Variants in JADE2 observed in about 807,000 individuals in gnomAD.
The protein encoded by JADE2 is E3 ubiquitin-protein ligase Jade-2.
JADE2 carries 13 observed loss-of-function variants against 85.7 expected under a neutral mutation model. That is an observed-to-expected ratio of 0.15 (90% CI 0.10 to 0.24). JADE2 has a LOEUF of 0.24. Among genes scored for constraint, JADE2 ranks in the 10% least tolerant of loss-of-function variants. JADE2 has a pLI of 1.00. For synonymous variants in JADE2, 440 were observed against 456.1 expected (o/e 0.96, Z 0.45); for missense variants, 846 against 1,115.9 (o/e 0.76, Z 3.45).
intron 4 of JADE2, 126 bp downstream of exon 4, chr5:134,552,335 C>A: frequency 1.2e-6 from 1 of 863,820 alleles, no homozygotes; most frequent in Non-Finnish European, 1.7e-6. Context: ...GTATTCCATT[C>A]CCTTTTCCAA....
intron 1 of JADE2, among the ~76,000 whole-genome samples, chr5:134,531,961 T>A (rs1261808525): frequency 7.7e-6 from 1 of 129,470 alleles, no homozygotes; most frequent in East Asian, 2.6e-4. Flanking sequence ...AGTAGCATAA[T>A]CACAGCTCAC....
chr5:134,526,534 C>T (rs914477670), intron 1 of JADE2: 1 of 985,358 alleles, frequency 1.0e-6, no homozygotes, highest in Non-Finnish European at 1.2e-6. Flanking sequence ...CACGTCCGGG[C>T]GCCGAACCGG....
chr5:134,524,659 A>AC (rs1347264506), upstream of JADE2, among the ~76,000 whole-genome samples: 1 of 151,514 alleles, frequency 6.6e-6, no homozygotes, highest in Admixed American at 6.6e-5. Flanking sequence ...TGCCTTCTCC[A>AC]CCCCCCGGAA....
intron 4 of JADE2, among the ~76,000 whole-genome samples, chr5:134,559,049 C>A (rs1488831538): frequency 6.6e-6 from 1 of 152,210 alleles, no homozygotes; most frequent in Non-Finnish European, 1.5e-5. Flanking sequence ...GCAGGCACAT[C>A]TTTGTATCCA....
At chr5:134,554,996 C>T (rs972157257) in intron 4 of JADE2, among the ~76,000 whole-genome samples, 3 of 152,192 alleles carry the variant, frequency 2.0e-5, no homozygotes, top group South Asian at 2.1e-4. Context: ...GCATGGCCAC[C>T]GGGGCCTAGT....
chr5:134,532,108 C>A (rs549011603), intron 1 of JADE2, among the ~76,000 whole-genome samples: 1 of 152,076 alleles, frequency 6.6e-6, no homozygotes, highest in African/African-American at 2.4e-5. Context: ...TGATCTTGAA[C>A]TCCTAAGCTC....
At chr5:134,536,218 TAAGTG>T (rs949307884) in intron 2 of JADE2, among the ~76,000 whole-genome samples, 26 of 152,258 alleles carry the variant, frequency 1.7e-4, no homozygotes, top group Admixed American at 1.7e-3. Flanking sequence ...CTGCATATAT[TAAGTG>T]AAGGTCCATA....
At chr5:134,546,425 C>G (rs1440982243) in intron 3 of JADE2, among the ~76,000 whole-genome samples, 3 of 152,198 alleles carry the variant, frequency 2.0e-5, no homozygotes, top group Non-Finnish European at 4.4e-5. Context: ...TATGCAGTCC[C>G]TGTCTTCTTG....
chr5:134,570,432 A>G (rs1763918264), intron 9 of JADE2, among the ~76,000 whole-genome samples: 1 of 149,412 alleles, frequency 6.7e-6, no homozygotes, highest in Admixed American at 6.7e-5. Context: ...AATCTGTTCA[A>G]CCCTCTCTCA....
intron 4 of JADE2, among the ~76,000 whole-genome samples, chr5:134,555,917 A>G (rs1762883217): frequency 1.3e-5 from 2 of 152,006 alleles, no homozygotes; most frequent in Admixed American, 1.3e-4. Context: ...AGGTGGTGCC[A>G]AGCCCCTTCC....
At position 134,559,891 on chromosome 5, in the gene JADE2, G is replaced by A. The variant is rs775424432; in HGVS notation, c.373G>A (p.Glu125Lys). The A allele has an allele frequency of 6.2e-7, 1 of 1,614,078 alleles. No homozygotes were observed. The highest frequency in any genetic ancestry group is 8.5e-7 in the Non-Finnish European group (1 of 1,179,962). Residue 125 changes from glutamate (E) to lysine (K), a missense_variant, in exon 5 of 12, where the codon GAG becomes AAG. Glu to Lys is a moderately conservative substitution (Grantham distance 56). This residue lies in a region of JADE2 where 78 missense variants were observed against 64.9 expected (regional missense o/e 1.20). Coordinates refer to ENST00000681547, the MANE Select transcript of JADE2 (RefSeq NM_001388185.1). ...ATCCCCGAGCAGCACCATGCTTGGT[G>A]AGGGCTCCCAGCCTGATTGGCCAGG... ...QASPSSTMLGEGSQPDWPGGS... is the reference protein window; with the variant it reads ...QASPSSTMLGKGSQPDWPGGS...
At chr5:134,539,193 C>G (rs1193168145) in intron 3 of JADE2, among the ~76,000 whole-genome samples, 1 of 151,988 alleles carries the variant, frequency 6.6e-6, no homozygotes, top group African/African-American at 2.4e-5. Flanking sequence ...TCCCGAGTGG[C>G]TGGGACTACA....
chr5:134,534,426 C>T (rs558629324), intron 1 of JADE2, among the ~76,000 whole-genome samples: 16 of 152,044 alleles, frequency 1.1e-4, no homozygotes, highest in Admixed American at 5.2e-4. Flanking sequence ...TGAAGCTGGG[C>T]GGCAGGCAGC....
Position 134,573,713 on chromosome 5 carries a change from G to A in JADE2, c.1503G>A (p.Glu501=). 2 of 1,614,018 alleles carry A rather than the reference G, an allele frequency of 1.2e-6. No individual in the cohort carries two copies. Among genetic ancestry groups the A allele is most frequent in the Non-Finnish European group, 1.7e-6 (2 of 1,179,828 alleles). The change falls in exon 10 of 12, where the codon GAG becomes GAA. Residue 501 remains glutamate, a synonymous_variant. Coordinates refer to ENST00000681547, the MANE Select transcript of JADE2 (RefSeq NM_001388185.1). ...AACACGCCATCTGCAAACTCCAGGA[G>A]CAGATATTCCACCTGCAGATGAAAC... The part of the protein sequence containing the change: ...RTKHAICKLQ[E]QIFHLQMKLI...
At chr5:134,540,666 T>C (rs1022361760) in intron 3 of JADE2, among the ~76,000 whole-genome samples, 2 of 152,218 alleles carry the variant, frequency 1.3e-5, no homozygotes, top group African/African-American at 2.4e-5. Flanking sequence ...ATGAAGAACC[T>C]GTCTTTCGAG....
At chr5:134,542,220 C>T (rs1762003617) in intron 3 of JADE2, among the ~76,000 whole-genome samples, 1 of 152,200 alleles carries the variant, frequency 6.6e-6, no homozygotes, top group African/African-American at 2.4e-5. Context: ...AAGTCCTGAG[C>T]CTGGCCTAGG....
chr5:134,540,968 C>T (rs1761927242), intron 3 of JADE2, among the ~76,000 whole-genome samples: 1 of 152,214 alleles, frequency 6.6e-6, no homozygotes, highest in African/African-American at 2.4e-5. Context: ...CTTGGGTTTT[C>T]CAGCCCAGAG....
At chr5:134,540,805 C>G (rs1212725799) in intron 3 of JADE2, among the ~76,000 whole-genome samples, 1 of 152,214 alleles carries the variant, frequency 6.6e-6, no homozygotes, top group Non-Finnish European at 1.5e-5. Flanking sequence ...TGCCCTTGCT[C>G]TGCTTCCTCC....
intron 1 of JADE2, chr5:134,533,517 C>G: frequency 2.0e-6 from 2 of 985,184 alleles, no homozygotes. Flanking sequence ...GTGGGAGATG[C>G]TGGCTCGGAA....
Sources: allele counts gnomAD v4.1 joint callset (sites outside exome capture counted in the v4.1 genomes callset), GRCh38; gene constraint gnomAD v4.1.1; regional missense constraint gnomAD v4.1.1; transcripts MANE v1.5; gene names NCBI Gene and HGNC (gene_info 2026-07-23, HGNC 2026-07-21).